The following DPF1 variants were observed in gnomAD, a reference collection of about 807,000 sequenced individuals.
DPF1 encodes the protein zinc finger protein neuro-d4.
Under a neutral mutation model 58.7 loss-of-function variants are expected in DPF1, and 14 were observed. That is an observed-to-expected ratio of 0.24 (90% confidence interval 0.16 to 0.37). The LOEUF (loss-of-function observed/expected upper bound fraction) is 0.37, where lower values mean the gene tolerates loss of function less well. DPF1 is among the 10% of genes least tolerant of loss of function. DPF1 has a pLI of 1.00. For missense variants in DPF1, 345 were observed against 529.9 expected (o/e 0.65, Z 3.43); for synonymous variants, 216 against 216.0 (o/e 1.00, Z 0.00).
At chr19:38,216,507 G>T in intron 7 of DPF1, 104 bp from the exon 8 acceptor site, 2 of 1,359,432 alleles carry the variant, frequency 1.5e-6, no homozygotes, top group Non-Finnish European at 2.0e-6. Context: ...GGCGTGGGGA[G>T]CTGGGAAGAG....
At position 38,213,688 on chromosome 19, in the gene DPF1, T is replaced by C; in HGVS notation, c.967A>G (p.Ile323Val). 1.9e-6 allele frequency: 3 copies of C among 1,613,730 alleles called. No homozygotes were observed. Among genetic ancestry groups the C allele is most frequent in the Non-Finnish European group, 2.5e-6 (3 of 1,179,828 alleles). The part of the protein sequence containing the change: ...AAVRTYRWQC[I>V]ECKSCSLCGT... ...CACAGGCTGCAGGATTTGCACTCGA[T>C]GCACTGCCAGCGGTAGGTCCGCACG... Residue 323 changes from isoleucine to valine, a missense_variant, in exon 10 of 12, where the codon ATC (isoleucine) becomes GTC (valine). Coordinates refer to ENST00000355526, the MANE Select transcript of DPF1 (RefSeq NM_001135155.3).
At chr19:38,213,581 G>T in intron 10 of DPF1, 63 bp downstream of exon 10, 2 of 1,436,760 alleles carry the variant, frequency 1.4e-6, no homozygotes, top group Non-Finnish European at 9.7e-7. Flanking sequence ...AGGCTTAAGG[G>T]GCAGAGGTGG....
Position 38,213,621 on chromosome 19 carries a change from C to T in DPF1, c.1011+23G>A. 13 of 1,603,732 alleles carry T rather than the reference C, an allele frequency of 8.1e-6. No homozygotes were observed. The Admixed American group carries it at 8.4e-5, about 10-fold the overall frequency. On this transcript the variant is annotated intron_variant, in intron 10 of 11. Transcript: ENST00000355526. ...GCCAGGCGGGGCGGGCAGCAGGGCACGCGGGGGGCGGGCGGCACTCACGTC... is the reference window on the plus strand; with the variant it reads ...GCCAGGCGGGGCGGGCAGCAGGGCATGCGGGGGGCGGGCGGCACTCACGTC...
At position 38,218,504 on chromosome 19, in the gene DPF1, C is replaced by T. The variant is rs963630832; in HGVS notation, c.516+69G>A. 1.1e-4 allele frequency: 170 copies of T among 1,532,156 alleles called. No individual in the cohort carries two copies. The African/African-American group carries it at 2.2e-3, about 20-fold the overall frequency. 94.9% of individuals were successfully genotyped at this position (1,532,156 alleles called of 1,614,324 possible). On this transcript the variant is annotated intron_variant, in intron 5 of 11. Coordinates refer to ENST00000355526, the MANE Select transcript of DPF1 (RefSeq NM_001135155.3). ...GTCAGACTGTGGCAGGGGCGGACCA[C>T]TGCACCTGCTCCATGAATGAGACCT...
chr19:38,217,289 G>GT, intron 7 of DPF1, 171 bp downstream of exon 7: 1 of 817,678 alleles, frequency 1.2e-6, no homozygotes, highest in Non-Finnish European at 1.9e-6. Context: ...AGCGATGGTT[G>GT]GTTGCCATGG....
At chr19:38,219,089 G>A (rs1323850096) in intron 3 of DPF1, 31 bp from the exon 4 acceptor site, 3 of 1,611,418 alleles carry the variant, frequency 1.9e-6, no homozygotes, top group Non-Finnish European at 2.5e-6. Context: ...GGGTCAGATG[G>A]GGAAGTTGAC....
chr19:38,211,287 G>C lies in DPF1; in HGVS notation c.*776C>G, dbSNP rs1166896776. On this transcript the variant is annotated 3_prime_UTR_variant, in exon 12 of 12. Coordinates refer to ENST00000355526, the MANE Select transcript of DPF1 (RefSeq NM_001135155.3). The surrounding 1 kb of genome is among the most constrained non-coding windows in gnomAD (Gnocchi z 4.0). ...CCAGGCCTGGCGGGGCGGGAGGAGG[G>C]AGAGAAAAGGAGTCCGTGGCGGAGT... The C allele has an allele frequency of 2.0e-5, 3 of 152,146 alleles. No homozygotes were observed. The highest frequency in any genetic ancestry group is 2.9e-5 in the Non-Finnish European group (2 of 68,042). 9.4% of individuals were successfully genotyped at this position (152,146 alleles called of 1,614,324 possible).
At chr19:38,217,245 AC>A (rs1405979363) in intron 7 of DPF1, 4 of 620,382 alleles carry the variant, frequency 6.4e-6, no homozygotes, top group African/African-American at 3.7e-5. Flanking sequence ...AATAAATCAG[AC>A]CCAGAAATAT....
In DPF1 at chr19:38,211,782, C is replaced by T. The variant is rs929281391; in HGVS notation, c.*281G>A. On this transcript the variant is annotated 3_prime_UTR_variant, in exon 12 of 12. Transcript: ENST00000355526. The surrounding 1 kb of genome is among the most constrained non-coding windows in gnomAD (Gnocchi z 4.0). Reference sequence around the variant, plus strand: ...CCCCTGGCTGGCACCCACCACCCCCCATGCCCGCCCAGAGGCGGGGTATGG... The same window carrying T: ...CCCCTGGCTGGCACCCACCACCCCCTATGCCCGCCCAGAGGCGGGGTATGG... 6.0e-6 allele frequency: 3 copies of T among 502,318 alleles called. No homozygotes were observed. Among genetic ancestry groups the T allele is most frequent in the African/African-American group, 5.9e-5 (3 of 50,796 alleles). The allele number at this position is 502,318 out of a possible 1,614,324, so 31.1% of individuals were successfully genotyped here.
intron 7 of DPF1, 97 bp from the exon 8 acceptor site, chr19:38,216,500 G>A (rs1014030469): frequency 5.4e-5 from 76 of 1,406,894 alleles, no homozygotes; most frequent in Middle Eastern, 2.3e-4. Context: ...TAGTCCAGGC[G>A]TGGGGAGCTG....
At position 38,222,357 on chromosome 19, in the gene DPF1, C is replaced by G. The variant is rs1276187237; in HGVS notation, c.298G>C (p.Asp100His). 6.3e-7 allele frequency: 1 copy of G among 1,589,932 alleles called. No individual in the cohort carries two copies. Among genetic ancestry groups the G allele is most frequent in the Admixed American group, 1.9e-5 (1 of 52,388 alleles). Reference protein sequence around the residue: ...PRLRPCEYKIDCEAPLKKEGG... With the variant: ...PRLRPCEYKIHCEAPLKKEGG... ...TGGGGGCCCCAGCGGCTGCACCCAC[C>G]GATCTTGTACTCGCAGGGCCTGAGT... is the stretch of plus-strand genomic sequence containing the variant. The change falls in exon 3 of 12, where the codon GAC becomes CAC. Residue 100 changes from aspartate (D) to histidine (H), a missense_variant and splice_region_variant. Coordinates refer to ENST00000355526, the MANE Select transcript of DPF1 (RefSeq NM_001135155.3). The surrounding 1 kb of genome is among the most constrained non-coding windows in gnomAD (Gnocchi z 4.9).
rs1335205456 is a variant in DPF1, at chr19:38,224,135, G to C, written c.8C>G (p.Thr3Ser). 8.8e-6 allele frequency: 13 copies of C among 1,484,314 alleles called. No homozygotes were observed. The highest frequency in any genetic ancestry group is 1.1e-5 in the Non-Finnish European group (12 of 1,127,326). 91.9% of individuals were successfully genotyped at this position (1,484,314 alleles called of 1,614,324 possible). A position where few individuals can be genotyped will look rare whatever the true frequency, so the allele number is the denominator to read the frequency against. Reference sequence around the variant, plus strand: ...CCACCTCAGGGGGCCAGGGATGACAGTGGCCATCTTGCTCCCCGGGTCCTG... The same window carrying C: ...CCACCTCAGGGGGCCAGGGATGACACTGGCCATCTTGCTCCCCGGGTCCTG... MA[T>S]VIPGPLSLGE... Residue 3 changes from threonine to serine, a missense_variant, in exon 1 of 12, where the codon ACT becomes AGT. Physicochemically the swap from Thr to Ser is moderately conservative, Grantham distance 58 (BLOSUM62 1). Transcript: ENST00000355526. This position sits in a 1 kb window ranked among gnomAD's most constrained non-coding sequence, Gnocchi z 4.5.
In DPF1 at chr19:38,222,439, C is replaced by T. The variant is rs767258968; in HGVS notation, c.216G>A (p.Thr72=). The T allele has an allele frequency of 3.2e-6, 5 of 1,582,162 alleles. No individual in the cohort carries two copies. The South Asian group carries it at 4.6e-5, about 15-fold the overall frequency. ...GPGLAPGQIY[T]YPARCWRKKR... ...TCTTCCTCCAACAGCGGGCGGGGTA[C>T]GTGTAAATCTGTCCCGGGGCCAAAC... The change falls in exon 3 of 12, where the codon ACG becomes ACA. Residue 72 remains threonine, a synonymous_variant. Transcript: ENST00000355526. The surrounding 1 kb of genome is among the most constrained non-coding windows in gnomAD (Gnocchi z 4.9).
chr19:38,225,102 C>T (rs1001467839), upstream of DPF1, among the ~76,000 whole-genome samples: 8 of 152,164 alleles, frequency 5.3e-5, no homozygotes, highest in East Asian at 9.7e-4. Flanking sequence ...CAAAATTAGC[C>T]GGGCATGGTG....
chr19:38,218,615 C>T lies in DPF1; in HGVS notation c.474G>A (p.Leu158=), dbSNP rs1283991764. The T allele has an allele frequency of 6.2e-7, 1 of 1,614,176 alleles. No individual in the cohort carries two copies. The highest frequency in any genetic ancestry group is 1.7e-5 in the Admixed American group (1 of 60,020). The change falls in exon 5 of 12, where the codon TTG becomes TTA. Residue 158 remains leucine (L), a synonymous_variant. Transcript: ENST00000355526. ...TCTTCCTCCTGGGAATGTCATCCTC[C>T]AAGTCTTCCACCTCGAGGTCATGCG... ...EFPHDLEVED[L]EDDIPRRKNR...
At chr19:38,225,048 C>T (rs1223722324), upstream of DPF1, among the ~76,000 whole-genome samples, 1 of 152,120 alleles carries the variant, frequency 6.6e-6, no homozygotes, top group Non-Finnish European at 1.5e-5. Context: ...GATGGGAGTT[C>T]GAGACCAGCC....
intron 9 of DPF1, 129 bp downstream of exon 9, chr19:38,216,011 T>C: frequency 6.9e-7 from 1 of 1,448,438 alleles, no homozygotes; most frequent in Non-Finnish European, 9.2e-7. Context: ...CTAGCTCTGG[T>C]TATCCACAGT....
At chr19:38,225,273 AAAGAAT>A (rs1967767405), upstream of DPF1, among the ~76,000 whole-genome samples, 1 of 78,972 alleles carries the variant, frequency 1.3e-5, no homozygotes, top group Admixed American at 1.0e-4. Context: ...AATAAGAAAG[AAAGAAT>A]AATGCGGCCA....
intron 10 of DPF1, among the ~76,000 whole-genome samples, chr19:38,212,663 G>T (rs1273218417): frequency 1.1e-4 from 17 of 151,372 alleles, no homozygotes. Context: ...CAGGCTGGAA[G>T]TGCGGTGGTG....
Sources: gnomAD v4.1 joint callset for allele counts (sites outside exome capture counted in the v4.1 genomes callset) on GRCh38, gnomAD v4.1.1 for gene constraint, Gnocchi (gnomAD v3.1) non-coding constraint, MANE v1.5 for transcripts, NCBI Gene and HGNC (gene_info 2026-07-23, HGNC 2026-07-21) for gene names.